Variants in SCN9A observed in about 807,000 individuals in gnomAD.
SCN9A encodes sodium channel protein type 9 subunit alpha.
A neutral mutation model predicts 187.0 loss-of-function variants in SCN9A; 131 were observed. The ratio of observed to expected loss-of-function variants is 0.70; its 90% CI spans 0.61 to 0.81. SCN9A has a LOEUF of 0.81. Among genes scored for constraint, SCN9A ranks in the 30% least tolerant of loss-of-function variants. SCN9A has a pLI of 0.00. For synonymous variants in SCN9A, 809 were observed against 808.6 expected (o/e 1.00, Z -0.01); for missense variants, 2,252 against 2,396.6 (o/e 0.94, Z 1.26).
rs191614297 is a variant in SCN9A at position 166,365,542 on chromosome 2, C to T, written c.-51+10155G>A. On this transcript the variant is annotated intron_variant, in intron 1 of 26. Transcript: ENST00000642356. ...AATCAAGAAAAACCCTCATCTTCTGCTTTCAATCTTGCTGTCTGTATTTCA... is the reference window on the plus strand; with the variant it reads ...AATCAAGAAAAACCCTCATCTTCTGTTTTCAATCTTGCTGTCTGTATTTCA... Among the ~76,000 whole-genome samples the T allele has an allele frequency of 4.1e-4, 63 of 152,254 alleles. No individual in the cohort carries two copies. In the South Asian group the frequency reaches 0.013, roughly 32 times the overall value.
chr2:166,270,942 G>A (rs12619279), intron 17 of SCN9A, among the ~76,000 whole-genome samples: 34,498 of 151,622 alleles, frequency 0.23, 4,485 homozygotes, highest in East Asian at 0.45. Flanking sequence ...TTTAAATGAT[G>A]CCTTAAGACT....
At chr2:166,319,605 T>A (rs1036888498) in intron 1 of SCN9A, among the ~76,000 whole-genome samples, 10 of 152,126 alleles carry the variant, frequency 6.6e-5, no homozygotes, top group African/African-American at 2.4e-4. Flanking sequence ...CAAACCATGT[T>A]ACTTGTTTTA....
chr2:166,340,489 TTTTC>T (rs146963548), intron 1 of SCN9A, among the ~76,000 whole-genome samples: 4,208 of 150,720 alleles, frequency 0.028, 86 homozygotes, highest in Middle Eastern at 0.044. Flanking sequence ...CTCTTTCTTT[TTTTC>T]TTTCTTTCTT....
At chr2:166,251,967 G>T in intron 17 of SCN9A, 82 bp from the exon 18 acceptor site, 1 of 1,468,916 alleles carries the variant, frequency 6.8e-7, no homozygotes, top group Non-Finnish European at 9.4e-7. Context: ...TTAATAATCA[G>T]ACTCATGCAA....
Position 166,304,316 on chromosome 2 carries a change from A to T in SCN9A, c.610T>A (p.Phe204Ile). 6.2e-7 allele frequency: 1 copy of T among 1,612,364 alleles called. No homozygotes were observed. The highest frequency in any genetic ancestry group is 8.5e-7 in the Non-Finnish European group (1 of 1,178,500). The stretch of plus-strand genomic sequence containing the variant: ...GCTGAAACATTGCCTAGGTTTACAA[A>T]TTCTGTTAAATACCTGTAGAATTAA... ...VVIVFAYLTEFVNLGNVSALR... is the reference protein window; with the variant it reads ...VVIVFAYLTEIVNLGNVSALR... Residue 204 changes from phenylalanine (F) to isoleucine (I), a missense_variant, in exon 6 of 27, where the codon TTT becomes ATT. Physicochemically the swap from Phe to Ile is conservative, Grantham distance 21. This residue lies in a region of SCN9A where 1,013 missense variants were observed against 997.4 expected (regional missense o/e 1.02). Coordinates refer to ENST00000642356, the MANE Select transcript of SCN9A (RefSeq NM_001365536.1).
chr2:166,239,221 T>A (rs1695455629), intron 19 of SCN9A, among the ~76,000 whole-genome samples: 1 of 130,078 alleles, frequency 7.7e-6, no homozygotes, highest in Admixed American at 7.9e-5. Context: ...AGACTCTGTC[T>A]CAAAAAAAAA....
At chr2:166,349,877 CAGA>C (rs1021929368) in intron 1 of SCN9A, among the ~76,000 whole-genome samples, 6 of 152,004 alleles carry the variant, frequency 3.9e-5, no homozygotes, top group African/African-American at 7.3e-5. Flanking sequence ...GAGGCTGAGG[CAGA>C]AGAATTGCTT....
intron 26 of SCN9A, 40 bp from the exon 27 acceptor site, chr2:166,199,904 G>T: frequency 7.2e-7 from 1 of 1,391,442 alleles, no homozygotes; most frequent in East Asian, 3.2e-5. Flanking sequence ...AATATTTAAA[G>T]ATGTATGCTA....
chr2:166,330,906 G>T (rs1699487157), intron 1 of SCN9A, among the ~76,000 whole-genome samples: 1 of 152,088 alleles, frequency 6.6e-6, no homozygotes, highest in African/African-American at 2.4e-5. Context: ...CTGGCCCAGG[G>T]GATGGAAACC....
intron 2 of SCN9A, among the ~76,000 whole-genome samples, 169 bp downstream of exon 2, chr2:166,311,330 C>CTATACATATA (rs1698940444): frequency 2.1e-5 from 1 of 46,718 alleles, no homozygotes; most frequent in African/African-American, 8.8e-5. Context: ...TCTGAATATC[C>CTATACATATA]TATATATATA....
At position 166,230,923 on chromosome 2, in the gene SCN9A, A is replaced by T. The variant is rs1695055356; in HGVS notation, c.3925-1951T>A. On this transcript the variant is annotated intron_variant, in intron 21 of 26. Coordinates refer to ENST00000642356, the MANE Select transcript of SCN9A (RefSeq NM_001365536.1). Reference sequence around the variant, plus strand: ...GTTGGGAAAGCTAAAGAGCCTAAGGACTCAAACAAGCTGACTACAATATGC... The same window carrying T: ...GTTGGGAAAGCTAAAGAGCCTAAGGTCTCAAACAAGCTGACTACAATATGC... 2.6e-5 allele frequency among the ~76,000 whole-genome samples: 4 copies of T among 152,168 alleles called. No individual in the cohort carries two copies. The South Asian group carries it at 8.3e-4, about 32-fold the overall frequency.
At chr2:166,271,270 A>C (rs761824211) in intron 17 of SCN9A, among the ~76,000 whole-genome samples, 1 of 152,146 alleles carries the variant, frequency 6.6e-6, no homozygotes, top group Non-Finnish European at 1.5e-5. Context: ...ACATTTTGAG[A>C]ACATTGAGTA....
intron 17 of SCN9A, among the ~76,000 whole-genome samples, chr2:166,265,467 A>G (rs1696691903): frequency 6.6e-6 from 1 of 151,986 alleles, no homozygotes; most frequent in Non-Finnish European, 1.5e-5. Flanking sequence ...ATTTAGGTTA[A>G]TATGATAACT....
At chr2:166,211,226 TA>T (rs1694077583) in intron 24 of SCN9A, among the ~76,000 whole-genome samples, 1 of 151,682 alleles carries the variant, frequency 6.6e-6, no homozygotes, top group African/African-American at 2.4e-5. Context: ...AAAGAGCAAA[TA>T]AAGTGAAAGT....
intron 11 of SCN9A, among the ~76,000 whole-genome samples, chr2:166,285,938 C>T (rs6707449): frequency 0.024 from 3,716 of 152,090 alleles, 149 homozygotes; most frequent in African/African-American, 0.085. Flanking sequence ...ATACTATTAC[C>T]TATACTGTTT....
chr2:166,295,340 A>T (rs1698251018), intron 7 of SCN9A, among the ~76,000 whole-genome samples: 2 of 152,212 alleles, frequency 1.3e-5, no homozygotes, highest in South Asian at 4.1e-4. Context: ...GTCATGTGTC[A>T]CTTAATGACT....
chr2:166,360,256 A>C lies in SCN9A; in HGVS notation c.-51+15441T>G, dbSNP rs544886311. 3.3e-5 allele frequency among the ~76,000 whole-genome samples: 5 copies of C among 149,758 alleles called. No individual in the cohort carries two copies. In the East Asian group the frequency reaches 9.8e-4, roughly 29 times the overall value. ...AAAAAGAAAAAAAAAAAAAGAAATTAAAGTTTATAATCTTAAGAAGTGTAT... is the reference window on the plus strand; with the variant it reads ...AAAAAGAAAAAAAAAAAAAGAAATTCAAGTTTATAATCTTAAGAAGTGTAT... On this transcript the variant is annotated intron_variant, in intron 1 of 26. Transcript: ENST00000642356.
chr2:166,214,240 CA>C (rs1224604641), intron 24 of SCN9A, among the ~76,000 whole-genome samples: 1 of 151,852 alleles, frequency 6.6e-6, no homozygotes, highest in Non-Finnish European at 1.5e-5. Flanking sequence ...CTCTCAAGTA[CA>C]AAAAACGATG....
At chr2:166,241,165 C>T (rs1695551123) in intron 19 of SCN9A, among the ~76,000 whole-genome samples, 1 of 152,102 alleles carries the variant, frequency 6.6e-6, no homozygotes, top group Non-Finnish European at 1.5e-5. Flanking sequence ...CTCATGAAGA[C>T]TGTCTATGAG....
Sources: gnomAD v4.1 joint callset for allele counts (sites outside exome capture counted in the v4.1 genomes callset) on GRCh38, gnomAD v4.1.1 for gene constraint, gnomAD v4.1.1 regional missense constraint, MANE v1.5 for transcripts, NCBI Gene and HGNC (gene_info 2026-07-23, HGNC 2026-07-21) for gene names.